The following TEX52 variants were observed in gnomAD, a reference collection of about 807,000 sequenced individuals.
TEX52 encodes testis-expressed protein 52.
Under a neutral mutation model 17.6 loss-of-function variants are expected in TEX52, and 22 were observed. That is an observed-to-expected ratio of 1.25 (90% CI 0.89 to 1.78). TEX52 has a LOEUF of 1.78. TEX52 is among the 40% of genes most tolerant of loss of function. TEX52 has a pLI of 0.00. For synonymous variants in TEX52, 168 were observed against 147.4 expected, an observed-to-expected ratio of 1.14 and a Z score of -1.01; for missense variants, 396 against 372.3, an observed-to-expected ratio of 1.06 and a Z score of -0.52.
intron 1 of TEX52, among the ~76,000 whole-genome samples, chr12:2,855,859 C>G (rs985269712): frequency 6.6e-6 from 1 of 152,126 alleles, no homozygotes; most frequent in Non-Finnish European, 1.5e-5. Flanking sequence ...GGCAGCCCAC[C>G]TTCACTTGCT....
In TEX52 at chr12:2,849,511, G is replaced by A. The variant is rs749453272; in HGVS notation, c.638C>T (p.Ser213Phe). Reference sequence around the variant, plus strand: ...CTGGGGTTCAAACCTCCCACCAGCGGATATGTGCCGGTACCTGTTGGGAGA... The same window carrying A: ...CTGGGGTTCAAACCTCCCACCAGCGAATATGTGCCGGTACCTGTTGGGAGA... ...PASFKKYRHI[S>F]AGGRFEPQGL... Residue 213 changes from serine (S) to phenylalanine (F), a missense_variant, in exon 3 of 3, where the codon TCC (serine) becomes TTC (phenylalanine). Ser to Phe is a radical substitution (Grantham distance 155). Transcript: ENST00000637658. The A allele has an allele frequency of 7.9e-4, 1,218 of 1,536,128 alleles. No homozygotes were observed. Among genetic ancestry groups the A allele is most frequent in the Middle Eastern group, 2.5e-3 (15 of 5,990 alleles).
At chr12:2,856,713 C>T (rs972127586) in intron 1 of TEX52, among the ~76,000 whole-genome samples, 8 of 152,196 alleles carry the variant, frequency 5.3e-5, no homozygotes, top group African/African-American at 1.9e-4. Context: ...AGCTTGGGCC[C>T]CTAAGTCATT....
At chr12:2,851,497 C>T (rs983561948) in intron 2 of TEX52, among the ~76,000 whole-genome samples, 1 of 151,952 alleles carries the variant, frequency 6.6e-6, no homozygotes, top group African/African-American at 2.4e-5. Flanking sequence ...GCCCCGCCAC[C>T]ATGCCCGGCT....
chr12:2,854,873 T>C, intron 2 of TEX52, 23 bp downstream of exon 2: 1 of 1,512,686 alleles, frequency 6.6e-7, no homozygotes, highest in Non-Finnish European at 8.8e-7. Context: ...CTGGGTGGGC[T>C]CCCTGAGGAG....
At chr12:2,851,422 A>G (rs1050838323) in intron 2 of TEX52, among the ~76,000 whole-genome samples, 1 of 152,100 alleles carries the variant, frequency 6.6e-6, no homozygotes, top group Non-Finnish European at 1.5e-5. Flanking sequence ...GGCTCACTGC[A>G]ACCTCCACCT....
At position 2,849,400 on chromosome 12, in the gene TEX52, T is replaced by C; in HGVS notation, c.749A>G (p.Lys250Arg). The stretch of plus-strand genomic sequence containing the variant: ...GGGCAGCAAGGCCAGCTTTAGCACC[T>C]TCTCCTGGTAGTGAGGCAGAGGGTT... ...CPNPLPHYQE[K>R]VLKLALLPSA... The change falls in exon 3 of 3, where the codon AAG becomes AGG. Residue 250 changes from lysine (K) to arginine (R), a missense_variant. By Grantham distance (26) the Lys-to-Arg change is conservative. Transcript: ENST00000637658. 1 of 1,536,190 alleles carries C rather than the reference T, an allele frequency of 6.5e-7. No individual in the cohort carries two copies. Among genetic ancestry groups the C allele is most frequent in the Non-Finnish European group, 8.7e-7 (1 of 1,146,912 alleles).
chr12:2,855,568 C>CTTCTGCGTCCTCAT, intron 1 of TEX52, 122 bp from the exon 2 acceptor site: 1 of 731,172 alleles, frequency 1.4e-6, no homozygotes, highest in Non-Finnish European at 2.0e-6. Context: ...CTCATGAGGA[C>CTTCTGCGTCCTCAT]GCAGAAGTCC....
chr12:2,851,539 C>T (rs921064330), intron 2 of TEX52, among the ~76,000 whole-genome samples: 2 of 151,964 alleles, frequency 1.3e-5, no homozygotes, highest in South Asian at 2.1e-4. Flanking sequence ...GACAGGGTTT[C>T]GCCATGGTGG....
chr12:2,849,578 G>A, intron 2 of TEX52, 53 bp from the exon 3 acceptor site: 2 of 1,527,322 alleles, frequency 1.3e-6, no homozygotes. Flanking sequence ...GAGATCCAGG[G>A]ACAGTGGAGA....
chr12:2,855,977 C>G (rs1015167680), intron 1 of TEX52, among the ~76,000 whole-genome samples: 2 of 152,090 alleles, frequency 1.3e-5, no homozygotes, highest in African/African-American at 4.8e-5. Flanking sequence ...CGCTTTCCTC[C>G]CACTCCTCAT....
chr12:2,854,064 T>C (rs1184064715), intron 2 of TEX52, among the ~76,000 whole-genome samples: 1 of 152,256 alleles, frequency 6.6e-6, no homozygotes, highest in Non-Finnish European at 1.5e-5. Context: ...TCTCTCTTGT[T>C]GCCCCGGCTG....
chr12:2,850,443 A>C (rs1192243656), intron 2 of TEX52, among the ~76,000 whole-genome samples: 1 of 140,566 alleles, frequency 7.1e-6, no homozygotes, highest in Non-Finnish European at 1.5e-5. Context: ...ATGCCACTGC[A>C]CTCCAGCCTG....
rs1358422012 is a variant in TEX52, at chr12:2,855,202, G to A, written c.317C>T (p.Ala106Val). 6 of 1,506,172 alleles carry A rather than the reference G, an allele frequency of 4.0e-6. No homozygotes were observed. The highest frequency in any genetic ancestry group is 2.0e-5 in the Admixed American group (1 of 49,378). 93.3% of individuals were successfully genotyped at this position (1,506,172 alleles called of 1,614,324 possible). ...CCTGTCAGGCTGGGTGGGGAAGGTG[G>A]CAGGCAGACGGCACACATCGAGCCA... ...HTWLDVCRLP[A>V]TFPTQPDRPY... Residue 106 changes from alanine to valine, a missense_variant, in exon 2 of 3, where the codon GCC (alanine) becomes GTC (valine). Coordinates refer to ENST00000637658, the MANE Select transcript of TEX52 (RefSeq NM_001365174.2).
downstream of TEX52, among the ~76,000 whole-genome samples, chr12:2,848,873 A>ACACG (rs138214107): frequency 3.5e-5 from 4 of 114,140 alleles, no homozygotes; most frequent in Non-Finnish European, 5.3e-5. Flanking sequence ...ACAGACACAC[A>ACACG]CACGCACACA....
In TEX52 at chr12:2,849,165, A is replaced by C; in HGVS notation, c.*66T>G. On this transcript the variant is annotated 3_prime_UTR_variant, in exon 3 of 3. Transcript: ENST00000637658. ...CTACCCCAGGGCCTCTTGCTGAAGG[A>C]GCATTGATTGAGAACACTGGAGCCT... The C allele has an allele frequency of 1.4e-6, 2 of 1,448,248 alleles. No homozygotes were observed. Among genetic ancestry groups the C allele is most frequent in the Non-Finnish European group, 1.8e-6 (2 of 1,098,682 alleles). The allele number at this position is 1,448,248 out of a possible 1,614,324, so 89.7% of individuals were successfully genotyped here. A position where few individuals can be genotyped will look rare whatever the true frequency, so the allele number is the denominator to read the frequency against.
rs2153929581 is a variant in TEX52 at position 2,854,984 on chromosome 12, C to T, written c.535G>A (p.Glu179Lys). Reference sequence around the variant, plus strand: ...CTCCTCAACTTGAGCTTCTCCACCTCCTTCAACTCCTTCACTGTCCTGAAA... The same window carrying T: ...CTCCTCAACTTGAGCTTCTCCACCTTCTTCAACTCCTTCACTGTCCTGAAA... ...VIFRTVKELK[E>K]VEKLKLRSEA... The change falls in exon 2 of 3, where the codon GAG becomes AAG. Residue 179 changes from glutamate (E) to lysine (K), a missense_variant. By Grantham distance (56) the Glu-to-Lys change is moderately conservative. Coordinates refer to ENST00000637658, the MANE Select transcript of TEX52 (RefSeq NM_001365174.2). 2.0e-5 allele frequency: 30 copies of T among 1,536,264 alleles called. No individual in the cohort carries two copies. Among genetic ancestry groups the T allele is most frequent in the Non-Finnish European group, 2.6e-5 (30 of 1,146,946 alleles).
intron 2 of TEX52, among the ~76,000 whole-genome samples, chr12:2,850,872 A>G (rs374893828): frequency 6.7e-6 from 1 of 150,196 alleles, no homozygotes; most frequent in East Asian, 2.0e-4. Context: ...GGGTTTCCCC[A>G]TGTTGGCCAG....
At chr12:2,853,607 G>GTT (rs569055360) in intron 2 of TEX52, among the ~76,000 whole-genome samples, 12 of 145,416 alleles carry the variant, frequency 8.3e-5, no homozygotes, top group African/African-American at 3.1e-4. Flanking sequence ...TTTTGTTTTT[G>GTT]TTTTTGTTTT....
chr12:2,849,919 G>A (rs992439189), intron 2 of TEX52, among the ~76,000 whole-genome samples: 1 of 152,186 alleles, frequency 6.6e-6, no homozygotes, highest in Admixed American at 6.5e-5. Flanking sequence ...CAGTAAGCCT[G>A]CGGTATTGGG....
Sources: gnomAD v4.1 joint callset for allele counts (sites outside exome capture counted in the v4.1 genomes callset) on GRCh38, gnomAD v4.1.1 for gene constraint, MANE v1.5 for transcripts, NCBI Gene and HGNC (gene_info 2026-07-23, HGNC 2026-07-21) for gene names.